Variants in NDUFA9 observed in about 807,000 individuals in gnomAD.
NDUFA9 encodes NADH:ubiquinone oxidoreductase subunit A9.
NDUFA9 carries 23 observed loss-of-function variants against 45.9 expected under a neutral mutation model. That is an observed-to-expected ratio of 0.50 (90% CI 0.36 to 0.71). The LOEUF is 0.71. Ranked by LOEUF, NDUFA9 falls within the 30% of genes least tolerant of loss-of-function variation. NDUFA9 has a pLI of 0.00. For missense variants in NDUFA9, 466 were observed against 488.2 expected (o/e 0.95, Z 0.43); for synonymous variants, 176 against 170.5 (o/e 1.03, Z -0.25).
At chr12:4,656,984 A>G (rs1336035381) in intron 3 of NDUFA9, among the ~76,000 whole-genome samples, 1 of 152,236 alleles carries the variant, frequency 6.6e-6, no homozygotes, top group Non-Finnish European at 1.5e-5. Flanking sequence ...TAAATTAAAC[A>G]GACATCCTAG....
chr12:4,662,735 AT>A, intron 6 of NDUFA9, 100 bp downstream of exon 6: 2 of 920,212 alleles, frequency 2.2e-6, no homozygotes, highest in Non-Finnish European at 3.3e-6. Flanking sequence ...CTAAGGATAT[AT>A]TTTTTCTTTC....
chr12:4,649,135 T>TG lies in NDUFA9; in HGVS notation c.10dup (p.Ala4GlyfsTer84). The TG allele has an allele frequency of 6.2e-7, 1 of 1,604,736 alleles. No homozygotes were observed. Among genetic ancestry groups the TG allele is most frequent in the Non-Finnish European group, 8.5e-7 (1 of 1,175,926 alleles). ...GGGGATTGTGGGAAAAGATGGCGGC[T>TG]GCCGCACAATCCCGGGTTGTCCGGG... On this transcript the variant is annotated frameshift_variant, in exon 1 of 11. Transcript: ENST00000266544. LOFTEE classifies it high-confidence loss of function.
At chr12:4,675,926 A>T (rs1168095028) in intron 8 of NDUFA9, among the ~76,000 whole-genome samples, 1 of 152,048 alleles carries the variant, frequency 6.6e-6, no homozygotes, top group Non-Finnish European at 1.5e-5. Flanking sequence ...CCAGCAGCAC[A>T]TCAAAAAACT....
At chr12:4,663,300 TA>T (rs1305569214) in intron 6 of NDUFA9, among the ~76,000 whole-genome samples, 2 of 152,032 alleles carry the variant, frequency 1.3e-5, no homozygotes, top group Non-Finnish European at 1.5e-5. Context: ...AATTTCTACT[TA>T]AAAAAAATTG....
intron 8 of NDUFA9, among the ~76,000 whole-genome samples, chr12:4,681,540 A>G (rs1945952126): frequency 1.3e-5 from 2 of 149,486 alleles, no homozygotes; most frequent in Non-Finnish European, 3.0e-5. Flanking sequence ...TCTTATGACA[A>G]CTCATTTCGG....
chr12:4,673,509 G>A (rs931123950), intron 8 of NDUFA9, among the ~76,000 whole-genome samples: 2 of 152,198 alleles, frequency 1.3e-5, no homozygotes, highest in African/African-American at 4.8e-5. Context: ...GAAAAACACA[G>A]CACGAGAACT....
At chr12:4,660,134 G>A (rs1403718124) in intron 5 of NDUFA9, among the ~76,000 whole-genome samples, 1 of 152,112 alleles carries the variant, frequency 6.6e-6, no homozygotes, top group African/African-American at 2.4e-5. Flanking sequence ...TGAATAAGAT[G>A]GGAAATGCTT....
chr12:4,683,189 A>C (rs564559552), intron 9 of NDUFA9, among the ~76,000 whole-genome samples: 11 of 151,798 alleles, frequency 7.2e-5, no homozygotes, highest in Non-Finnish European at 1.3e-4. Flanking sequence ...ACAAAAAAAA[A>C]AAAAAGAAAG....
At chr12:4,669,445 A>G (rs889188851) in intron 7 of NDUFA9, among the ~76,000 whole-genome samples, 2 of 152,240 alleles carry the variant, frequency 1.3e-5, no homozygotes, top group African/African-American at 2.4e-5. Flanking sequence ...AGGTAAGTGC[A>G]TTCCTACTAC....
intron 5 of NDUFA9, among the ~76,000 whole-genome samples, chr12:4,660,419 A>G (rs1945816790): frequency 6.6e-6 from 1 of 152,194 alleles, no homozygotes; most frequent in Non-Finnish European, 1.5e-5. Flanking sequence ...CAATCTTCCA[A>G]GTAACTGGTA....
At chr12:4,674,264 C>T (rs952613443) in intron 8 of NDUFA9, among the ~76,000 whole-genome samples, 18 of 152,116 alleles carry the variant, frequency 1.2e-4, no homozygotes, top group African/African-American at 2.2e-4. Context: ...CATCAACTAA[C>T]GGGCAAAATA....
chr12:4,687,383 A>G lies in NDUFA9; in HGVS notation c.*275A>G, dbSNP rs1473275029. 7.8e-6 allele frequency: 2 copies of G among 257,258 alleles called. No homozygotes were observed. Among genetic ancestry groups the G allele is most frequent in the Non-Finnish European group, 1.5e-5 (2 of 137,152 alleles). The allele number at this position is 257,258 out of a possible 1,614,324, so 15.9% of individuals were successfully genotyped here. On this transcript the variant is annotated 3_prime_UTR_variant, in exon 11 of 11. Transcript: ENST00000266544. Reference sequence around the variant, plus strand: ...AGTTTGAATTTTCCTATGACAAACCACTTCTAGCATACGTTCTAGAAGACA... The same window carrying G: ...AGTTTGAATTTTCCTATGACAAACCGCTTCTAGCATACGTTCTAGAAGACA...
chr12:4,692,151 T>C lies in NDUFA9; in HGVS notation c.*5043T>C. 6.6e-6 allele frequency: 1 copy of C among 152,206 alleles called. No individual in the cohort carries two copies. Among genetic ancestry groups the C allele is most frequent in the East Asian group, 1.9e-4 (1 of 5,194 alleles). The allele number at this position is 152,206 out of a possible 1,614,324, so 9.4% of individuals were successfully genotyped here. A position where few individuals can be genotyped will look rare whatever the true frequency, so the allele number is the denominator to read the frequency against. On this transcript the variant is annotated 3_prime_UTR_variant, in exon 11 of 11. Transcript: ENST00000266544. The stretch of plus-strand genomic sequence containing the variant: ...GAAGTCAGGTGCCTAATATTGGTGA[T>C]GTGGTTTGGATGTCCCCACCCAAAT...
At chr12:4,668,396 C>G (rs895383352) in intron 6 of NDUFA9, 61 bp from the exon 7 acceptor site, 1 of 1,274,144 alleles carries the variant, frequency 7.8e-7, no homozygotes, top group Non-Finnish European at 1.1e-6. Flanking sequence ...AATCTTAAGA[C>G]TGTTGGATCT....
At chr12:4,663,153 T>C (rs4147687) in intron 6 of NDUFA9, among the ~76,000 whole-genome samples, 18,549 of 152,258 alleles carry the variant, frequency 0.12, 1,380 homozygotes, top group Non-Finnish European at 0.17. Flanking sequence ...TTTTCATAGC[T>C]TGATAGCTCA....
rs767410946 is a variant in NDUFA9, at chr12:4,669,752, A to G, written c.735A>G (p.Val245=). Reference sequence around the variant, plus strand: ...ATAATTTCTTACAGGTCGTAGATGTATCCAAAGGAATTGTTAATGCAGTTA... The same window carrying G: ...ATAATTTCTTACAGGTCGTAGATGTGTCCAAAGGAATTGTTAATGCAGTTA... ...TVKQPVYVVD[V]SKGIVNAVKD... The change falls in exon 8 of 11, where the codon GTA becomes GTG. Residue 245 remains valine, a synonymous_variant. Coordinates refer to ENST00000266544, the MANE Select transcript of NDUFA9 (RefSeq NM_005002.5). The G allele has an allele frequency of 4.8e-5, 77 of 1,606,582 alleles. No homozygotes were observed. The South Asian group carries it at 8.3e-4, about 17-fold the overall frequency.
intron 8 of NDUFA9, among the ~76,000 whole-genome samples, chr12:4,671,343 A>C (rs1945885928): frequency 6.6e-6 from 1 of 152,190 alleles, no homozygotes; most frequent in Non-Finnish European, 1.5e-5. Flanking sequence ...ATCAATATAT[A>C]CTAGTAAATG....
intron 9 of NDUFA9, among the ~76,000 whole-genome samples, chr12:4,682,623 T>G (rs1259563008): frequency 6.6e-6 from 1 of 152,224 alleles, no homozygotes; most frequent in Non-Finnish European, 1.5e-5. Context: ...TAAGGGGCAG[T>G]CAGGTTCCCC....
chr12:4,661,753 A>G (rs930981398), intron 5 of NDUFA9, among the ~76,000 whole-genome samples: 8 of 120,790 alleles, frequency 6.6e-5, no homozygotes, highest in Non-Finnish European at 1.5e-4. Context: ...CCAGGAGCAG[A>G]TGAACAAAGA....
Sources: allele counts gnomAD v4.1 joint callset (sites outside exome capture counted in the v4.1 genomes callset), GRCh38; gene constraint gnomAD v4.1.1; transcripts MANE v1.5; gene names NCBI Gene and HGNC (gene_info 2026-07-23, HGNC 2026-07-21).